GRIA4: variants seen among roughly 807,000 people sequenced by gnomAD.
GRIA4 encodes the protein glutamate receptor 4.
Under a neutral mutation model 104.0 loss-of-function variants are expected in GRIA4, and 34 were observed. The observed-to-expected ratio is 0.33, with a 90% CI of 0.25 to 0.44. The LOEUF (loss-of-function observed/expected upper bound fraction) is 0.44. GRIA4 is among the 20% of genes least tolerant of loss of function. The pLI is 1.00. For missense variants in GRIA4, 750 were observed against 1,096.5 expected, an observed-to-expected ratio of 0.68 and a Z score of 4.46; for synonymous variants, 386 against 381.9, an observed-to-expected ratio of 1.01 and a Z score of -0.13.
intron 3 of GRIA4, chr11:105,613,551 C>T (rs1290288053): frequency 1.3e-5 from 2 of 152,088 alleles, no homozygotes; most frequent in African/African-American, 2.4e-5. Flanking sequence ...TCTTTCAGTA[C>T]AAGAAAGTGT....
chr11:105,682,790 G>GA (rs1308490446), intron 3 of GRIA4, among the ~76,000 whole-genome samples: 6 of 152,160 alleles, frequency 3.9e-5, no homozygotes, highest in African/African-American at 1.4e-4. Context: ...TAATCTCTAG[G>GA]AAATGACAGT....
chr11:105,832,641 C>G (rs1293154143), intron 4 of GRIA4, among the ~76,000 whole-genome samples: 1 of 151,884 alleles, frequency 6.6e-6, no homozygotes, highest in East Asian at 1.9e-4. Context: ...CTGAGCCGCT[C>G]AACTATATTA....
chr11:105,931,520 T>G (rs1266558075), intron 13 of GRIA4, among the ~76,000 whole-genome samples: 1 of 151,874 alleles, frequency 6.6e-6, no homozygotes, highest in Non-Finnish European at 1.5e-5. Context: ...CTGGCCAACA[T>G]GATGAAACCC....
At chr11:105,908,037 T>C (rs554233930) in intron 9 of GRIA4, among the ~76,000 whole-genome samples, 12 of 152,162 alleles carry the variant, frequency 7.9e-5, no homozygotes, top group Admixed American at 7.9e-4. Context: ...TAGGTCAGAT[T>C]TTTCAGGGCA....
At chr11:105,826,109 T>G (rs1943761478) in intron 4 of GRIA4, among the ~76,000 whole-genome samples, 1 of 152,030 alleles carries the variant, frequency 6.6e-6, no homozygotes, top group Non-Finnish European at 1.5e-5. Flanking sequence ...CAGTTCCCCT[T>G]GAGGACAAGC....
At chr11:105,901,371 C>A (rs1249881026) in intron 7 of GRIA4, among the ~76,000 whole-genome samples, 1 of 152,152 alleles carries the variant, frequency 6.6e-6, no homozygotes, top group African/African-American at 2.4e-5. Context: ...TATGATTCTG[C>A]CCAATTCTGT....
intron 4 of GRIA4, among the ~76,000 whole-genome samples, chr11:105,774,396 A>G (rs954506075): frequency 6.6e-6 from 1 of 152,048 alleles, no homozygotes; most frequent in Admixed American, 6.6e-5. Context: ...AAATAAAAAC[A>G]GCACTTAAGA....
intron 10 of GRIA4, among the ~76,000 whole-genome samples, chr11:105,916,490 T>A (rs1288098114): frequency 6.6e-6 from 1 of 152,196 alleles, no homozygotes; most frequent in Non-Finnish European, 1.5e-5. Flanking sequence ...TACAAAAAAA[T>A]TATAGTGACT....
intron 3 of GRIA4, among the ~76,000 whole-genome samples, chr11:105,731,577 G>T (rs1367648783): frequency 1.3e-5 from 2 of 152,062 alleles, no homozygotes; most frequent in East Asian, 3.9e-4. Context: ...ACTTGCACAC[G>T]TATGTTTATT....
chr11:105,759,661 C>T (rs1940509468), intron 4 of GRIA4, among the ~76,000 whole-genome samples: 1 of 152,014 alleles, frequency 6.6e-6, no homozygotes, highest in African/African-American at 2.4e-5. Context: ...GATTTGTGCA[C>T]ACTAAGTTCT....
At chr11:105,668,670 C>CTTTT (rs1158226074) in intron 3 of GRIA4, among the ~76,000 whole-genome samples, 8 of 69,660 alleles carry the variant, frequency 1.1e-4, no homozygotes, top group South Asian at 6.5e-4. Flanking sequence ...CACTTATTAT[C>CTTTT]TTTTGTCTTT....
chr11:105,668,675 G>GTTTTTTTTTTTTT lies in GRIA4; in HGVS notation c.247+56242_247+56243insTTTTTTTTTTTTT, dbSNP rs368844903. 4.9e-5 allele frequency among the ~76,000 whole-genome samples: 6 copies of GTTTTTTTTTTTTT among 121,448 alleles called. 2 individuals carry two copies. The highest frequency in any genetic ancestry group is 6.1e-5 in the African/African-American group (2 of 32,874). 79.7% of individuals were successfully genotyped at this position (121,448 alleles called of 152,430 possible). ...TCCTTGACAACACTTATTATCTTTT[G>GTTTTTTTTTTTTT]TCTTTTTTTTTTTTTTTGAGATAGA... On this transcript the variant is annotated intron_variant, in intron 3 of 16. Transcript: ENST00000282499.
chr11:105,647,980 A>AAATAAATG (rs1170199651), intron 3 of GRIA4, among the ~76,000 whole-genome samples: 114 of 151,796 alleles, frequency 7.5e-4, no homozygotes, highest in African/African-American at 2.7e-3. Context: ...ATAAATAAAT[A>AAATAAATG]AATAAATAAA....
At chr11:105,677,451 T>C (rs569889640) in intron 3 of GRIA4, among the ~76,000 whole-genome samples, 1 of 151,836 alleles carries the variant, frequency 6.6e-6, no homozygotes, top group Non-Finnish European at 1.5e-5. Context: ...CAAATTAAGA[T>C]GTAAAAAATG....
At chr11:105,720,117 T>C (rs983166522) in intron 3 of GRIA4, among the ~76,000 whole-genome samples, 1 of 151,734 alleles carries the variant, frequency 6.6e-6, no homozygotes, top group Non-Finnish European at 1.5e-5. Context: ...TCTAAACCAG[T>C]ATTTTTTTTT....
intron 5 of GRIA4, among the ~76,000 whole-genome samples, chr11:105,866,549 G>GTATATATATATATA (rs1345654796): frequency 2.1e-3 from 166 of 78,150 alleles, no homozygotes; most frequent in African/African-American, 6.2e-3. Flanking sequence ...GTGTGTGTGT[G>GTATATATATATATA]TGTATATATA....
chr11:105,728,124 A>G (rs1440053963), intron 3 of GRIA4, among the ~76,000 whole-genome samples: 1 of 152,234 alleles, frequency 6.6e-6, no homozygotes, highest in Non-Finnish European at 1.5e-5. Flanking sequence ...TGTATTCAGG[A>G]GACCCATGTC....
At chr11:105,837,598 G>A (rs905559561) in intron 4 of GRIA4, among the ~76,000 whole-genome samples, 1 of 152,078 alleles carries the variant, frequency 6.6e-6, no homozygotes, top group African/African-American at 2.4e-5. Flanking sequence ...ACAGGAAGGG[G>A]GAGAGTAGAT....
At chr11:105,612,558 A>G (rs1950507475) in intron 3 of GRIA4, 124 bp downstream of exon 3, 1 of 704,236 alleles carries the variant, frequency 1.4e-6, no homozygotes, top group Non-Finnish European at 2.3e-6. Flanking sequence ...GCCTGGTTTC[A>G]GGACAAATCA....
Sources: gnomAD v4.1 joint callset for allele counts (sites outside exome capture counted in the v4.1 genomes callset) on GRCh38, gnomAD v4.1.1 for gene constraint, MANE v1.5 for transcripts, NCBI Gene and HGNC (gene_info 2026-07-23, HGNC 2026-07-21) for gene names.